Variants in SORCS1 observed in about 807,000 individuals in gnomAD.
The protein encoded by SORCS1 is sortilin related VPS10 domain containing receptor 1.
SORCS1 carries 60 observed loss-of-function variants against 146.1 expected under a neutral mutation model. That is an observed-to-expected ratio of 0.41 (90% confidence interval 0.33 to 0.51). SORCS1 has a LOEUF of 0.51. SORCS1 is among the 20% of genes least tolerant of loss of function. SORCS1 has a pLI of 0.21. For synonymous variants in SORCS1, 637 were observed against 584.0 expected, an observed-to-expected ratio of 1.09 and a Z score of -1.31; for missense variants, 1,352 against 1,487.6, an observed-to-expected ratio of 0.91 and a Z score of 1.50.
Position 106,976,332 on chromosome 10 carries a change from T to TG in SORCS1, c.559-19753dup, listed in dbSNP as rs1239071600. Among the ~76,000 whole-genome samples, 936 of 109,550 alleles carry TG rather than the reference T, an allele frequency of 8.5e-3. 18 individuals are homozygous for TG. Among genetic ancestry groups the TG allele is most frequent in the African/African-American group, 0.045 (826 of 18,448 alleles). The allele number at this position is 109,550 out of a possible 152,430, so 71.9% of individuals were successfully genotyped here. A position where few individuals can be genotyped will look rare whatever the true frequency, so the allele number is the denominator to read the frequency against. On this transcript the variant is annotated intron_variant, in intron 1 of 25. Transcript: ENST00000263054. ...TATCAACTCATCATCTAGGTTTTTT[T>TG]GTTTTTTTTTTTTTTTTGAGACGGA...
intron 1 of SORCS1, among the ~76,000 whole-genome samples, chr10:106,992,212 G>A (rs1004619600): frequency 2.0e-5 from 3 of 152,104 alleles, no homozygotes; most frequent in Non-Finnish European, 2.9e-5. Context: ...AGGCATGGTG[G>A]ACAAAGGAGC....
intron 2 of SORCS1, among the ~76,000 whole-genome samples, chr10:106,850,171 G>T (rs1419709186): frequency 6.6e-6 from 1 of 151,662 alleles, no homozygotes; most frequent in African/African-American, 2.4e-5. Context: ...AATGGCGGGC[G>T]CCCCTCCCCC....
intron 1 of SORCS1, among the ~76,000 whole-genome samples, chr10:107,162,552 C>G (rs1969787976): frequency 6.6e-6 from 1 of 152,188 alleles, no homozygotes. Flanking sequence ...TATAAAATCA[C>G]AGACTCTGTC....
intron 1 of SORCS1, among the ~76,000 whole-genome samples, chr10:107,059,879 T>TA (rs34340304): frequency 3.4e-4 from 50 of 148,300 alleles, no homozygotes; most frequent in African/African-American, 7.2e-4. Flanking sequence ...AAAAGTAGAT[T>TA]AAAAAAAAAA....
chr10:107,041,603 T>A, intron 1 of SORCS1, among the ~76,000 whole-genome samples: 1 of 152,010 alleles, frequency 6.6e-6, no homozygotes, highest in East Asian at 1.9e-4. Flanking sequence ...CTCCCAGTTT[T>A]TTTTCCTTCC....
intron 9 of SORCS1, among the ~76,000 whole-genome samples, chr10:106,697,332 G>A (rs1456753352): frequency 6.6e-6 from 1 of 151,782 alleles, no homozygotes; most frequent in East Asian, 1.9e-4. Flanking sequence ...GCATGGTAGT[G>A]GGAGTCCCAG....
At chr10:107,109,571 T>C (rs943275210) in intron 1 of SORCS1, among the ~76,000 whole-genome samples, 1 of 152,232 alleles carries the variant, frequency 6.6e-6, no homozygotes, top group African/African-American at 2.4e-5. Context: ...GAAACCATTC[T>C]TTCCACTTAG....
At chr10:106,669,318 T>C (rs926126666) in intron 16 of SORCS1, among the ~76,000 whole-genome samples, 3 of 151,670 alleles carry the variant, frequency 2.0e-5, no homozygotes, top group Middle Eastern at 3.4e-3. Context: ...GAGAAGCAAA[T>C]GTTTCAAGGA....
intron 2 of SORCS1, among the ~76,000 whole-genome samples, chr10:106,932,892 T>C (rs1401371817): frequency 6.6e-6 from 1 of 152,218 alleles, no homozygotes; most frequent in Admixed American, 6.5e-5. Context: ...TCAATAGCTG[T>C]GATTCTGAAA....
intron 1 of SORCS1, among the ~76,000 whole-genome samples, chr10:107,075,877 G>C (rs1303483117): frequency 6.6e-6 from 1 of 151,820 alleles, no homozygotes; most frequent in East Asian, 1.9e-4. Context: ...TTCAGGCAAC[G>C]ATTTTCTTAG....
intron 2 of SORCS1, among the ~76,000 whole-genome samples, chr10:106,861,417 A>G (rs1489443727): frequency 1.3e-5 from 2 of 148,742 alleles, no homozygotes; most frequent in Non-Finnish European, 3.0e-5. Context: ...AAAAAAAAAA[A>G]GAATATGCGA....
chr10:106,930,139 G>A (rs1052528429), intron 2 of SORCS1, among the ~76,000 whole-genome samples: 16 of 152,070 alleles, frequency 1.1e-4, no homozygotes, highest in African/African-American at 2.2e-4. Flanking sequence ...AAAATTAGCC[G>A]GGTGTGGTGC....
At chr10:107,096,398 G>A (rs1263484739) in intron 1 of SORCS1, among the ~76,000 whole-genome samples, 2 of 152,210 alleles carry the variant, frequency 1.3e-5, no homozygotes, top group African/African-American at 4.8e-5. Flanking sequence ...AAAAGGTTAA[G>A]TAGTTACCTA....
chr10:106,920,293 T>A (rs1349631603), intron 2 of SORCS1, among the ~76,000 whole-genome samples: 1 of 152,204 alleles, frequency 6.6e-6, no homozygotes, highest in Admixed American at 6.5e-5. Context: ...AAGCATGGTC[T>A]TTCTTTAGGT....
At chr10:106,937,784 T>C (rs1421922145) in intron 2 of SORCS1, among the ~76,000 whole-genome samples, 1 of 151,634 alleles carries the variant, frequency 6.6e-6, no homozygotes, top group African/African-American at 2.4e-5. Context: ...GCCAACACAG[T>C]GAAATCCCAT....
At chr10:106,868,082 C>T (rs570716649) in intron 2 of SORCS1, among the ~76,000 whole-genome samples, 59 of 152,146 alleles carry the variant, frequency 3.9e-4, no homozygotes, top group Non-Finnish European at 7.1e-4. Flanking sequence ...TTTAAACCAA[C>T]AAAGATCAAA....
chr10:107,048,152 G>A (rs1959696621), intron 1 of SORCS1, among the ~76,000 whole-genome samples: 1 of 152,106 alleles, frequency 6.6e-6, no homozygotes. Context: ...TAAGTCTTTT[G>A]ATACTGTTTT....
rs140481785 is a variant in SORCS1, at chr10:106,933,474, C to G, written c.626+23039G>C. On this transcript the variant is annotated intron_variant, in intron 2 of 25. Transcript: ENST00000263054. ...AATAGAATGGTAGCTAAAATATAAT[C>G]AATGATTTATTAATTCATTGATTTA... is the stretch of plus-strand genomic sequence containing the variant. 3.9e-5 allele frequency among the ~76,000 whole-genome samples: 6 copies of G among 152,268 alleles called. No homozygotes were observed. The East Asian group carries it at 9.7e-4, about 24-fold the overall frequency.
At chr10:107,139,085 T>C (rs1003700882) in intron 1 of SORCS1, among the ~76,000 whole-genome samples, 1 of 152,238 alleles carries the variant, frequency 6.6e-6, no homozygotes, top group East Asian at 1.9e-4. Flanking sequence ...TCCCTAATGA[T>C]GTGCTTGTTT....
Sources: allele counts gnomAD v4.1 joint callset (sites outside exome capture counted in the v4.1 genomes callset), GRCh38; gene constraint gnomAD v4.1.1; transcripts MANE v1.5; gene names NCBI Gene and HGNC (gene_info 2026-07-23, HGNC 2026-07-21).